ACACB: variants seen among roughly 807,000 people sequenced by gnomAD.
ACACB encodes acetyl-CoA carboxylase beta, also known as acetyl-CoA carboxylase 2.
Under a neutral mutation model 278.8 loss-of-function variants are expected in ACACB, and 209 were observed. That is an observed-to-expected ratio of 0.75 (90% CI 0.67 to 0.84). The LOEUF is 0.84. Ranked by LOEUF, ACACB falls within the 40% of genes least tolerant of loss-of-function variation. The pLI is 0.00. For missense variants in ACACB, 2,850 were observed against 3,269.0 expected (o/e 0.87, Z 3.13); for synonymous variants, 1,174 against 1,285.6 (o/e 0.91, Z 1.86).
chr12:109,258,892 G>T, intron 46 of ACACB, 81 bp from the exon 47 acceptor site: 12 of 1,555,536 alleles, frequency 7.7e-6, no homozygotes, highest in Non-Finnish European at 9.6e-6. Flanking sequence ...CTGCCATCCA[G>T]AGCGAGGTTC....
At chr12:109,168,515 T>A (rs1192395478) in intron 4 of ACACB, among the ~76,000 whole-genome samples, 4 of 152,074 alleles carry the variant, frequency 2.6e-5, no homozygotes, top group African/African-American at 9.7e-5. Context: ...TTTCTGAAGG[T>A]TGTTAAAAAC....
chr12:109,177,645 C>T (rs1055367569), intron 9 of ACACB, among the ~76,000 whole-genome samples: 4 of 152,134 alleles, frequency 2.6e-5, no homozygotes, highest in Admixed American at 6.6e-5. Context: ...CTATCCTTCG[C>T]CCGGTTTCAC....
Position 109,167,012 on chromosome 12 carries a change from A to T in ACACB, c.786+19A>T. ...CGAGAAGGTACAGATGGGTCTCGGC[A>T]CTCTGGGTGGGGTCCGATTGGGGTG... On this transcript the variant is annotated intron_variant, in intron 3 of 52. Coordinates refer to ENST00000338432, the MANE Select transcript of ACACB (RefSeq NM_001093.4). 1.2e-6 allele frequency: 2 copies of T among 1,612,266 alleles called. No homozygotes were observed. The highest frequency in any genetic ancestry group is 1.7e-6 in the Non-Finnish European group (2 of 1,179,322).
intron 37 of ACACB, 122 bp from the exon 38 acceptor site, chr12:109,245,504 C>A: frequency 9.4e-7 from 1 of 1,061,450 alleles, no homozygotes; most frequent in Non-Finnish European, 1.3e-6. Context: ...TTTCATGATT[C>A]AAAAAGAGAG....
intron 19 of ACACB, among the ~76,000 whole-genome samples, chr12:109,206,440 A>AAAAAAAAAAAAAAAAC (rs1191294965): frequency 6.6e-6 from 1 of 151,544 alleles, no homozygotes; most frequent in Non-Finnish European, 1.5e-5. Flanking sequence ...AAAAAAAAAA[A>AAAAAAAAAAAAAAAAC]AAAACAGATC....
chr12:109,233,395 C>T (rs1450498542), intron 29 of ACACB, among the ~76,000 whole-genome samples: 2 of 152,122 alleles, frequency 1.3e-5, no homozygotes, highest in Non-Finnish European at 2.9e-5. Context: ...ACTCTTATTA[C>T]CTTTCTTTGA....
chr12:109,166,829 A>G (rs763984374), intron 2 of ACACB, 32 bp from the exon 3 acceptor site: 1 of 1,613,674 alleles, frequency 6.2e-7, no homozygotes, highest in Non-Finnish European at 8.5e-7. Context: ...TTCTTCCCTC[A>G]TGCACGTCTG....
At chr12:109,205,467 T>A (rs866706517) in intron 19 of ACACB, among the ~76,000 whole-genome samples, 1 of 151,808 alleles carries the variant, frequency 6.6e-6, no homozygotes, top group African/African-American at 2.4e-5. Flanking sequence ...TTTTTTTTTT[T>A]GAGACAGAAT....
At chr12:109,200,175 G>GT (rs777551739) in intron 18 of ACACB, among the ~76,000 whole-genome samples, 10 of 151,794 alleles carry the variant, frequency 6.6e-5, no homozygotes, top group Admixed American at 1.3e-4. Flanking sequence ...GTGTAAATCA[G>GT]TTTCCTTGAT....
intron 19 of ACACB, 48 bp downstream of exon 19, chr12:109,201,749 G>A (rs781373555): frequency 3.8e-6 from 6 of 1,599,564 alleles, no homozygotes; most frequent in East Asian, 2.2e-5. Context: ...AGGTGCACTC[G>A]TGACCTCCAC....
chr12:109,219,832 G>A (rs1179216081), intron 24 of ACACB, among the ~76,000 whole-genome samples: 1 of 152,098 alleles, frequency 6.6e-6, no homozygotes, highest in Non-Finnish European at 1.5e-5. Flanking sequence ...TTGGGAGAGA[G>A]GACTCTCCAA....
chr12:109,165,161 G>A (rs2043856970), intron 2 of ACACB, among the ~76,000 whole-genome samples: 1 of 151,960 alleles, frequency 6.6e-6, no homozygotes, highest in Admixed American at 6.6e-5. Flanking sequence ...CAAGAAAGAC[G>A]AGCCACCCAT....
chr12:109,199,774 G>A lies in ACACB; in HGVS notation c.2778+222G>A, dbSNP rs572686506. ...CACGCCTGTAATCCCAGCACTTTGGGAGGCTGAGGCGGGCGGATCACGAGG... is the reference window on the plus strand; with the variant it reads ...CACGCCTGTAATCCCAGCACTTTGGAAGGCTGAGGCGGGCGGATCACGAGG... On this transcript the variant is annotated intron_variant, in intron 18 of 52. Coordinates refer to ENST00000338432, the MANE Select transcript of ACACB (RefSeq NM_001093.4). Among the ~76,000 whole-genome samples the A allele has an allele frequency of 1.6e-3, 242 of 152,336 alleles. 1 individual carries two copies. The highest frequency in any genetic ancestry group is 5.5e-3 in the African/African-American group (229 of 41,582).
intron 38 of ACACB, among the ~76,000 whole-genome samples, 193 bp downstream of exon 38, chr12:109,245,941 T>A (rs2046929964): frequency 6.6e-6 from 1 of 151,872 alleles, no homozygotes; most frequent in South Asian, 2.1e-4. Context: ...ATTTTAAAAT[T>A]AGCTGTGTGT....
chr12:109,145,562 T>C (rs2043221900), intron 2 of ACACB, among the ~76,000 whole-genome samples: 1 of 152,154 alleles, frequency 6.6e-6, no homozygotes, highest in Non-Finnish European at 1.5e-5. Context: ...TAAATTATAT[T>C]TAAGGGTGGT....
chr12:109,197,283 G>A (rs1457851637), intron 17 of ACACB, 130 bp downstream of exon 17: 4 of 1,165,236 alleles, frequency 3.4e-6, no homozygotes, highest in Admixed American at 3.5e-5. Flanking sequence ...GTAAATTCTG[G>A]GGGTGTGCAG....
intron 18 of ACACB, among the ~76,000 whole-genome samples, chr12:109,200,984 G>T (rs954841247): frequency 4.6e-5 from 7 of 152,162 alleles, no homozygotes; most frequent in Non-Finnish European, 1.0e-4. Context: ...TCTAGTCCAG[G>T]CCTGGCTGAC....
chr12:109,157,280 T>TATTATTATA (rs2043573501), intron 2 of ACACB, among the ~76,000 whole-genome samples: 1 of 149,542 alleles, frequency 6.7e-6, no homozygotes, highest in South Asian at 2.1e-4. Context: ...TTGTTATTAT[T>TATTATTATA]ATTATTATTA....
chr12:109,148,214 C>A (rs762075964), intron 2 of ACACB, among the ~76,000 whole-genome samples: 1 of 152,192 alleles, frequency 6.6e-6, no homozygotes, highest in Non-Finnish European at 1.5e-5. Flanking sequence ...AGAAACAGAG[C>A]TAATGAGAAC....
Sources: gnomAD v4.1 joint callset for allele counts (sites outside exome capture counted in the v4.1 genomes callset) on GRCh38, gnomAD v4.1.1 for gene constraint, MANE v1.5 for transcripts, NCBI Gene and HGNC (gene_info 2026-07-23, HGNC 2026-07-21) for gene names.